Variants in PICALM observed in about 807,000 individuals in gnomAD.
The protein encoded by PICALM is phosphatidylinositol-binding clathrin assembly protein.
PICALM carries 40 observed loss-of-function variants against 80.5 expected under a neutral mutation model. That is an observed-to-expected ratio of 0.50 (90% CI 0.39 to 0.65). The LOEUF (loss-of-function observed/expected upper bound fraction) is 0.65, where lower values mean the gene tolerates loss of function less well. PICALM is among the 30% of genes least tolerant of loss of function. The pLI, the probability that PICALM is intolerant of heterozygous loss-of-function variation, is 0.00. For synonymous variants in PICALM, 288 were observed against 260.3 expected (o/e 1.11, Z -1.02); for missense variants, 676 against 778.9 (o/e 0.87, Z 1.57).
rs139524512 is a variant in PICALM at position 86,037,675 on chromosome 11, G to C, written c.131-6064C>G. On this transcript the variant is annotated intron_variant, in intron 1 of 19. Coordinates refer to ENST00000393346, the MANE Select transcript of PICALM (RefSeq NM_007166.4). ...GATCACGACATTGCACTCCAACTTGGATAACACAGCAAGACACTGTCTAAA... is the reference window on the plus strand; with the variant it reads ...GATCACGACATTGCACTCCAACTTGCATAACACAGCAAGACACTGTCTAAA... Among the ~76,000 whole-genome samples the C allele has an allele frequency of 2.3e-3, 343 of 149,770 alleles. 2 individuals carry two copies. Among genetic ancestry groups the C allele is most frequent in the African/African-American group, 8.1e-3 (329 of 40,530 alleles).
At chr11:85,990,784 T>C (rs2094746201) in intron 12 of PICALM, among the ~76,000 whole-genome samples, 1 of 152,114 alleles carries the variant, frequency 6.6e-6, no homozygotes. Context: ...TGACAATTGG[T>C]ATGTGTGTTG....
intron 2 of PICALM, 26 bp downstream of exon 2, chr11:86,031,443 A>T: frequency 6.3e-7 from 1 of 1,586,162 alleles, no homozygotes; most frequent in Non-Finnish European, 8.6e-7. Context: ...ACATCAGTAT[A>T]CTTGTTCAAT....
chr11:85,977,258 T>G (rs2094311772), intron 17 of PICALM, among the ~76,000 whole-genome samples: 1 of 152,238 alleles, frequency 6.6e-6, no homozygotes, highest in Non-Finnish European at 1.5e-5. Context: ...ATAGAGTATG[T>G]ACGTTAGCTT....
chr11:86,068,883 C>A lies in PICALM; in HGVS notation c.-103G>T. The stretch of plus-strand genomic sequence containing the variant: ...CCCCCACCGCACCCCCTACCCCCAC[C>A]GGCTCCTTCCCCGCCTGCCGGCCTG... On this transcript the variant is annotated 5_prime_UTR_variant, in exon 1 of 20. Coordinates refer to ENST00000393346, the MANE Select transcript of PICALM (RefSeq NM_007166.4). 1 of 1,408,398 alleles carries A rather than the reference C, an allele frequency of 7.1e-7. No individual in the cohort carries two copies. The highest frequency in any genetic ancestry group is 9.3e-7 in the Non-Finnish European group (1 of 1,073,378). The allele number at this position is 1,408,398 out of a possible 1,614,324, so 87.2% of individuals were successfully genotyped here. A position where few individuals can be genotyped will look rare whatever the true frequency, so the allele number is the denominator to read the frequency against.
chr11:86,024,945 T>C (rs754553131), intron 3 of PICALM, among the ~76,000 whole-genome samples: 1 of 152,206 alleles, frequency 6.6e-6, no homozygotes, highest in African/African-American at 2.4e-5. Context: ...AGCCTCACTG[T>C]TGAATATTCC....
intron 1 of PICALM, among the ~76,000 whole-genome samples, chr11:86,036,666 A>C (rs933662907): frequency 6.6e-6 from 1 of 152,222 alleles, no homozygotes; most frequent in Non-Finnish European, 1.5e-5. Flanking sequence ...ATCAAATGAC[A>C]CTACAGTCTG....
chr11:86,049,304 T>C (rs2096135525), intron 1 of PICALM, among the ~76,000 whole-genome samples: 1 of 151,914 alleles, frequency 6.6e-6, no homozygotes, highest in Admixed American at 6.6e-5. Context: ...AAAAAAAACA[T>C]AAATCAGATC....
At chr11:85,965,202 G>C (rs532057705) in intron 19 of PICALM, among the ~76,000 whole-genome samples, 1 of 152,094 alleles carries the variant, frequency 6.6e-6, no homozygotes, top group Non-Finnish European at 1.5e-5. Flanking sequence ...TCTGCCTGCC[G>C]TGTGATACCT....
chr11:85,986,144 G>T (rs1283906294), intron 13 of PICALM, among the ~76,000 whole-genome samples: 1 of 152,160 alleles, frequency 6.6e-6, no homozygotes, highest in East Asian at 1.9e-4. Context: ...GTTAAAAAAA[G>T]AAATTAATAA....
Position 86,068,930 on chromosome 11 carries a change from G to T in PICALM, c.-150C>A. 1 of 1,023,468 alleles carries T rather than the reference G, an allele frequency of 9.8e-7. No individual in the cohort carries two copies. Among genetic ancestry groups the T allele is most frequent in the Non-Finnish European group, 1.4e-6 (1 of 725,724 alleles). 63.4% of individuals were successfully genotyped at this position (1,023,468 alleles called of 1,614,324 possible). On this transcript the variant is annotated 5_prime_UTR_variant, in exon 1 of 20. Transcript: ENST00000393346. Reference sequence around the variant, plus strand: ...CCTGGGGCGCGGTTCGGGGCCGCGCGCTGCCACCAGTCCAGAGAGAACCGG... The same window carrying T: ...CCTGGGGCGCGGTTCGGGGCCGCGCTCTGCCACCAGTCCAGAGAGAACCGG...
At chr11:86,031,917 C>T (rs948284343) in intron 1 of PICALM, among the ~76,000 whole-genome samples, 1 of 152,124 alleles carries the variant, frequency 6.6e-6, no homozygotes, top group Non-Finnish European at 1.5e-5. Flanking sequence ...TTTTGAGGAA[C>T]CTTCTATTTC....
At chr11:86,060,027 T>C (rs968124735) in intron 1 of PICALM, among the ~76,000 whole-genome samples, 1 of 152,190 alleles carries the variant, frequency 6.6e-6, no homozygotes, top group Admixed American at 6.5e-5. Context: ...AATCTATTTA[T>C]GGACATAAAG....
In PICALM at chr11:86,068,969, C is replaced by T. The variant is rs1306996114; in HGVS notation, c.-189G>A. The T allele has an allele frequency of 7.4e-6, 5 of 677,982 alleles. No individual in the cohort carries two copies. Among genetic ancestry groups the T allele is most frequent in the African/African-American group, 5.6e-5 (3 of 54,046 alleles). 42.0% of individuals were successfully genotyped at this position (677,982 alleles called of 1,614,324 possible). On this transcript the variant is annotated 5_prime_UTR_variant, in exon 1 of 20. Transcript: ENST00000393346. ...AGAGAGAACCGGCTCGTGTCACCCG[C>T]GGAGTCGGACAAGATGTCGGGCACT...
chr11:86,034,382 A>T (rs1299376676), intron 1 of PICALM, among the ~76,000 whole-genome samples: 2 of 152,166 alleles, frequency 1.3e-5, no homozygotes, highest in African/African-American at 4.8e-5. Flanking sequence ...CAGGAAGGAA[A>T]ATATTCTTCC....
chr11:86,067,538 G>T (rs1394887220), intron 1 of PICALM, among the ~76,000 whole-genome samples: 1 of 152,198 alleles, frequency 6.6e-6, no homozygotes, highest in Non-Finnish European at 1.5e-5. Flanking sequence ...TTGTATCTAC[G>T]TTAGCGAATG....
At position 86,026,391 on chromosome 11, in the gene PICALM, A is replaced by T. The variant is rs557712851; in HGVS notation, c.274-24T>A. ...CGCTGGAAAAAAAAAATTACATCATATTAAGGTACTGCCATCTCACCAACT... is the reference window on the plus strand; with the variant it reads ...CGCTGGAAAAAAAAAATTACATCATTTTAAGGTACTGCCATCTCACCAACT... On this transcript the variant is annotated intron_variant, in intron 2 of 19. Transcript: ENST00000393346. The T allele has an allele frequency of 3.9e-5, 55 of 1,419,838 alleles. 1 individual carries two copies. In the Admixed American group the frequency reaches 9.4e-4, roughly 24 times the overall value. 88.0% of individuals were successfully genotyped at this position (1,419,838 alleles called of 1,614,324 possible).
intron 1 of PICALM, among the ~76,000 whole-genome samples, chr11:86,052,957 T>C (rs985301064): frequency 2.6e-5 from 4 of 152,256 alleles, no homozygotes; most frequent in Non-Finnish European, 4.4e-5. Context: ...CCACCTGAAA[T>C]GCCTAGTGTT....
intron 12 of PICALM, among the ~76,000 whole-genome samples, chr11:85,995,681 G>A (rs1177377183): frequency 6.6e-6 from 1 of 152,124 alleles, no homozygotes; most frequent in Admixed American, 6.5e-5. Context: ...AGCTGAAACT[G>A]CTTAAATGGT....
chr11:85,976,561 T>TA, intron 18 of PICALM, 62 bp downstream of exon 18: 2 of 1,019,522 alleles, frequency 2.0e-6, no homozygotes, highest in East Asian at 4.8e-5. Context: ...TAAATTGTAA[T>TA]AAAAACATGT....
Sources: allele counts gnomAD v4.1 joint callset (sites outside exome capture counted in the v4.1 genomes callset), GRCh38; gene constraint gnomAD v4.1.1; transcripts MANE v1.5; gene names NCBI Gene and HGNC (gene_info 2026-07-23, HGNC 2026-07-21).